CSMD1: variants seen among roughly 807,000 people sequenced by gnomAD.
CSMD1 encodes CUB and Sushi multiple domains 1.
In CSMD1, 213 loss-of-function variants were observed where a neutral mutation model predicts 417.5. The ratio of observed to expected loss-of-function variants is 0.51; its 90% CI spans 0.46 to 0.57. The LOEUF is 0.57. Among genes scored for constraint, CSMD1 ranks in the 20% least tolerant of loss-of-function variants. The probability of loss-of-function intolerance (pLI) is 0.00; values close to 1 mark genes in which losing one functional copy is unlikely to be tolerated. For synonymous variants in CSMD1, 2,862 were observed against 1,736.8 expected (o/e 1.65, Z -16.11); for missense variants, 6,923 against 4,529.7 (o/e 1.53, Z -15.17).
rs200121626 is a variant in CSMD1 at position 3,323,862 on chromosome 8, A to C, written c.3632-15359T>G. Among the ~76,000 whole-genome samples the C allele has an allele frequency of 3.2e-3, 394 of 121,990 alleles. 3 individuals are homozygous for C. The highest frequency in any genetic ancestry group is 0.02 in the East Asian group (56 of 2,822). 80.0% of individuals were successfully genotyped at this position (121,990 alleles called of 152,430 possible). On this transcript the variant is annotated intron_variant, in intron 23 of 69. Coordinates refer to ENST00000635120, the MANE Select transcript of CSMD1 (RefSeq NM_033225.6). ...TTGTTAAAACAGACACACATCTAAC[A>C]CCCAGAGACCCAGGAGGGGGAGTTT...
At chr8:4,964,598 G>C (rs1026552222) in intron 1 of CSMD1, among the ~76,000 whole-genome samples, 1 of 150,118 alleles carries the variant, frequency 6.7e-6, no homozygotes, top group Non-Finnish European at 1.5e-5. Context: ...AAGGACTGGA[G>C]TTAATCAATG....
At chr8:4,003,797 C>T (rs1815889782) in intron 4 of CSMD1, among the ~76,000 whole-genome samples, 1 of 152,050 alleles carries the variant, frequency 6.6e-6, no homozygotes, top group Non-Finnish European at 1.5e-5. Flanking sequence ...CTGATGTCTA[C>T]TGAGTATATT....
chr8:3,832,961 T>C (rs182286767), intron 5 of CSMD1, among the ~76,000 whole-genome samples: 2 of 152,266 alleles, frequency 1.3e-5, no homozygotes, highest in Admixed American at 6.5e-5. Context: ...CAAGTGAATA[T>C]CAATAATTGA....
chr8:3,020,431 A>G (rs1345211281), intron 51 of CSMD1, among the ~76,000 whole-genome samples: 3 of 152,260 alleles, frequency 2.0e-5, no homozygotes, highest in South Asian at 2.1e-4. Context: ...CAGTGGTACA[A>G]TTGTAGCTCC....
intron 3 of CSMD1, among the ~76,000 whole-genome samples, chr8:4,287,676 A>ATTATTATTT (rs1253058064): frequency 5.7e-4 from 85 of 149,550 alleles, no homozygotes; most frequent in African/African-American, 1.9e-3. Context: ...TATTATTATT[A>ATTATTATTT]TTATTATTAC....
At chr8:4,769,294 A>G (rs1290366089) in intron 1 of CSMD1, among the ~76,000 whole-genome samples, 1 of 152,190 alleles carries the variant, frequency 6.6e-6, no homozygotes, top group East Asian at 1.9e-4. Flanking sequence ...CACCTGAAGG[A>G]ATCTTTCTCA....
At chr8:3,257,692 A>G (rs775349382) in intron 26 of CSMD1, among the ~76,000 whole-genome samples, 2 of 152,126 alleles carry the variant, frequency 1.3e-5, no homozygotes, top group African/African-American at 4.8e-5. Context: ...GTTTCTATCA[A>G]AGACCCTAAA....
At chr8:3,697,883 G>C (rs925476470) in intron 7 of CSMD1, among the ~76,000 whole-genome samples, 17 of 151,948 alleles carry the variant, frequency 1.1e-4, no homozygotes, top group African/African-American at 4.8e-5. Context: ...GTGCTCTCTA[G>C]CCATTACGCA....
chr8:3,825,264 T>C (rs1240731115), intron 5 of CSMD1, among the ~76,000 whole-genome samples: 1 of 152,144 alleles, frequency 6.6e-6, no homozygotes, highest in Non-Finnish European at 1.5e-5. Flanking sequence ...GTGTGGTGGC[T>C]CACGCCTGTA....
intron 1 of CSMD1, among the ~76,000 whole-genome samples, chr8:4,819,440 G>A (rs759204186): frequency 1.3e-5 from 2 of 149,968 alleles, no homozygotes; most frequent in Non-Finnish European, 2.9e-5. Flanking sequence ...TTTCCCAACT[G>A]ACTTATAGAA....
At chr8:4,964,045 C>T (rs118058754) in intron 1 of CSMD1, among the ~76,000 whole-genome samples, 1 of 152,068 alleles carries the variant, frequency 6.6e-6, no homozygotes, top group African/African-American at 2.4e-5. Flanking sequence ...ATCTTGATAG[C>T]TGGGTGAATC....
At chr8:3,355,453 T>C (rs1244442721) in intron 21 of CSMD1, among the ~76,000 whole-genome samples, 2 of 152,192 alleles carry the variant, frequency 1.3e-5, no homozygotes, top group African/African-American at 4.8e-5. Flanking sequence ...GCTGTGCAGA[T>C]GGAATTCTAA....
At chr8:3,549,067 T>C (rs2116765213) in intron 10 of CSMD1, among the ~76,000 whole-genome samples, 1 of 152,282 alleles carries the variant, frequency 6.6e-6, no homozygotes, top group East Asian at 1.9e-4. Flanking sequence ...TCAACCCCAC[T>C]TCCCTCTGCT....
chr8:4,589,346 A>G (rs1799873732), intron 2 of CSMD1, among the ~76,000 whole-genome samples: 2 of 152,204 alleles, frequency 1.3e-5, no homozygotes, highest in African/African-American at 2.4e-5. Context: ...TGCCTAATTC[A>G]AAGTATTAAC....
chr8:4,535,404 G>A (rs1797053321), intron 2 of CSMD1, among the ~76,000 whole-genome samples: 2 of 152,078 alleles, frequency 1.3e-5, no homozygotes, highest in Admixed American at 1.3e-4. Context: ...TTCCAAGGAT[G>A]AACAATAGAA....
rs186671549 is a variant in CSMD1 at position 3,639,254 on chromosome 8, A to T, written c.1010-22457T>A. Among the ~76,000 whole-genome samples the T allele has an allele frequency of 5.3e-5, 8 of 152,336 alleles. No individual in the cohort carries two copies. The East Asian group carries it at 1.5e-3, about 29-fold the overall frequency. ...CTAGTCCATTGACAATGAAATTTCT[A>T]TGAAATAGGTTGCTATTTGAATAAT... On this transcript the variant is annotated intron_variant, in intron 7 of 69. Coordinates refer to ENST00000635120, the MANE Select transcript of CSMD1 (RefSeq NM_033225.6).
chr8:4,402,283 C>T (rs574448053), intron 3 of CSMD1, among the ~76,000 whole-genome samples: 9 of 152,102 alleles, frequency 5.9e-5, no homozygotes, highest in South Asian at 4.2e-4. Context: ...TCATTCCCCA[C>T]GGTCTTTGCC....
intron 1 of CSMD1, among the ~76,000 whole-genome samples, chr8:4,901,832 C>A (rs1804889858): frequency 1.3e-5 from 2 of 151,832 alleles, no homozygotes; most frequent in Non-Finnish European, 2.9e-5. Flanking sequence ...TAAGATAAAT[C>A]TGAGTGAGTA....
intron 2 of CSMD1, among the ~76,000 whole-genome samples, chr8:4,453,114 A>T (rs577342107): frequency 2.1e-4 from 32 of 152,092 alleles, no homozygotes; most frequent in African/African-American, 7.7e-4. Context: ...AATGATTCGG[A>T]ATTCCTTGGA....
Sources: allele counts gnomAD v4.1 joint callset (sites outside exome capture counted in the v4.1 genomes callset), GRCh38; gene constraint gnomAD v4.1.1; transcripts MANE v1.5; gene names NCBI Gene and HGNC (gene_info 2026-07-23, HGNC 2026-07-21).